CTNNA2: variants seen among roughly 807,000 people sequenced by gnomAD.
The protein encoded by CTNNA2 is catenin alpha 2, also known as catenin alpha-2.
Under a neutral mutation model 101.0 loss-of-function variants are expected in CTNNA2, and 42 were observed. The observed-to-expected ratio is 0.42, with a 90% CI of 0.32 to 0.54. The LOEUF (loss-of-function observed/expected upper bound fraction) is 0.54, where lower values mean the gene tolerates loss of function less well. Among genes scored for constraint, CTNNA2 ranks in the 20% least tolerant of loss-of-function variants. The pLI, the probability that CTNNA2 is intolerant of heterozygous loss-of-function variation, is 0.14. For missense variants in CTNNA2, 871 were observed against 1,223.1 expected (o/e 0.71, Z 4.29); for synonymous variants, 450 against 456.4 (o/e 0.99, Z 0.18).
At chr2:79,982,230 A>G (rs1180067618) in intron 7 of CTNNA2, among the ~76,000 whole-genome samples, 5 of 96,424 alleles carry the variant, frequency 5.2e-5, no homozygotes, top group African/African-American at 9.3e-5. Context: ...ATATATATAT[A>G]TATATATATA....
intron 15 of CTNNA2, among the ~76,000 whole-genome samples, chr2:80,597,675 A>G (rs185984049): frequency 1.3e-4 from 20 of 152,336 alleles, no homozygotes; most frequent in Non-Finnish European, 2.4e-4. Flanking sequence ...ATGAACAGAC[A>G]CTTGTCAAAA....
At chr2:80,029,907 G>A (rs1695180874) in intron 7 of CTNNA2, among the ~76,000 whole-genome samples, 2 of 152,004 alleles carry the variant, frequency 1.3e-5, no homozygotes, top group Admixed American at 6.6e-5. Flanking sequence ...AGCAGGCATC[G>A]AGCTGGATAA....
intron 16 of CTNNA2, among the ~76,000 whole-genome samples, chr2:80,605,870 C>T (rs999341697): frequency 1.6e-4 from 24 of 151,852 alleles, no homozygotes; most frequent in African/African-American, 5.8e-4. Flanking sequence ...GAACTGCTTA[C>T]AATTTGTAGG....
chr2:80,621,979 T>C (rs1332090263), intron 18 of CTNNA2, among the ~76,000 whole-genome samples: 1 of 151,908 alleles, frequency 6.6e-6, no homozygotes, highest in Non-Finnish European at 1.5e-5. Flanking sequence ...TGTTATTGTA[T>C]ATAAAAAGGA....
At chr2:79,304,841 T>C (rs1449693652) in intron 2 of CTNNA2, among the ~76,000 whole-genome samples, 1 of 152,128 alleles carries the variant, frequency 6.6e-6, no homozygotes, top group Admixed American at 6.6e-5. Context: ...TCATAAAAGA[T>C]CTGGACAGTG....
At chr2:80,280,516 C>A (rs914325915) in intron 7 of CTNNA2, among the ~76,000 whole-genome samples, 8 of 151,664 alleles carry the variant, frequency 5.3e-5, no homozygotes, top group Non-Finnish European at 7.4e-5. Context: ...GGATGGCTAA[C>A]CTTGGACCTC....
At chr2:80,124,246 T>C (rs1475789235) in intron 7 of CTNNA2, among the ~76,000 whole-genome samples, 2 of 152,140 alleles carry the variant, frequency 1.3e-5, no homozygotes, top group East Asian at 3.9e-4. Flanking sequence ...TATTTACCGA[T>C]GTCTGCCCTG....
intron 1 of CTNNA2, among the ~76,000 whole-genome samples, chr2:79,635,309 G>A (rs1679951874): frequency 1.3e-5 from 2 of 151,862 alleles, no homozygotes; most frequent in South Asian, 4.2e-4. Flanking sequence ...GTGGGCGCCT[G>A]TAGTCCCAGC....
At chr2:79,602,036 T>G (rs1401583652) in intron 1 of CTNNA2, among the ~76,000 whole-genome samples, 1 of 147,538 alleles carries the variant, frequency 6.8e-6, no homozygotes, top group Non-Finnish European at 1.5e-5. Flanking sequence ...AATATTGTAC[T>G]GAAATTGAAA....
intron 9 of CTNNA2, among the ~76,000 whole-genome samples, chr2:80,426,852 A>G (rs1399921336): frequency 6.6e-6 from 1 of 151,836 alleles, no homozygotes; most frequent in Non-Finnish European, 1.5e-5. Context: ...TTCCTGATGC[A>G]TTCCCCACTC....
At chr2:79,908,907 G>GCC (rs1189630095) in intron 6 of CTNNA2, among the ~76,000 whole-genome samples, 6 of 152,212 alleles carry the variant, frequency 3.9e-5, no homozygotes, top group Admixed American at 6.5e-5. Flanking sequence ...CTGGGGAAAT[G>GCC]CTAAGCTCAT....
At chr2:80,096,028 T>G (rs1700124494) in intron 7 of CTNNA2, among the ~76,000 whole-genome samples, 1 of 151,956 alleles carries the variant, frequency 6.6e-6, no homozygotes, top group African/African-American at 2.4e-5. Flanking sequence ...ATCTTAGTTA[T>G]TTCTTGCCTT....
intron 1 of CTNNA2, among the ~76,000 whole-genome samples, chr2:79,644,328 G>A (rs1035240944): frequency 1.3e-5 from 2 of 152,146 alleles, no homozygotes; most frequent in Non-Finnish European, 2.9e-5. Context: ...GTAAGCCACC[G>A]TGCCTGGCCA....
chr2:80,410,177 A>G (rs954626337), intron 8 of CTNNA2, among the ~76,000 whole-genome samples: 1 of 152,222 alleles, frequency 6.6e-6, no homozygotes, highest in South Asian at 2.1e-4. Flanking sequence ...AATGTACAGC[A>G]TACACTCCTC....
At chr2:79,951,095 C>A (rs1486437727) in intron 7 of CTNNA2, among the ~76,000 whole-genome samples, 2 of 152,110 alleles carry the variant, frequency 1.3e-5, no homozygotes, top group Non-Finnish European at 2.9e-5. Context: ...TTAAAGGATT[C>A]TGATTTAATT....
At chr2:80,219,524 A>G (rs1708456544) in intron 7 of CTNNA2, among the ~76,000 whole-genome samples, 2 of 152,140 alleles carry the variant, frequency 1.3e-5, no homozygotes, top group South Asian at 4.1e-4. Flanking sequence ...TTTTAAATAT[A>G]TACTACCTAA....
At chr2:79,288,515 G>T (rs1341425437) in intron 2 of CTNNA2, among the ~76,000 whole-genome samples, 1 of 152,158 alleles carries the variant, frequency 6.6e-6, no homozygotes, top group Non-Finnish European at 1.5e-5. Flanking sequence ...CATCCAAGTA[G>T]TTTCTACTCT....
chr2:79,347,586 CT>C (rs149744592), intron 3 of CTNNA2, among the ~76,000 whole-genome samples: 1 of 152,028 alleles, frequency 6.6e-6, no homozygotes, highest in African/African-American at 2.4e-5. Context: ...TCACTTTCTC[CT>C]TTTTTTCTTC....
intron 4 of CTNNA2, among the ~76,000 whole-genome samples, chr2:79,868,444 A>T (rs1022283674): frequency 2.0e-5 from 3 of 152,172 alleles, no homozygotes; most frequent in African/African-American, 7.2e-5. Flanking sequence ...AGGCTTGATG[A>T]TATTCATTAT....
Sources: allele counts gnomAD v4.1 joint callset (sites outside exome capture counted in the v4.1 genomes callset), GRCh38; gene constraint gnomAD v4.1.1; transcripts MANE v1.5; gene names NCBI Gene and HGNC (gene_info 2026-07-23, HGNC 2026-07-21).